The following FRMPD1 variants were observed in gnomAD, a reference collection of about 807,000 sequenced individuals.
The protein encoded by FRMPD1 is FERM and PDZ domain containing 1.
FRMPD1 carries 76 observed loss-of-function variants against 117.8 expected under a neutral mutation model. That is an observed-to-expected ratio of 0.65 (90% CI 0.54 to 0.78). The LOEUF (loss-of-function observed/expected upper bound fraction) is 0.78. FRMPD1 is among the 30% of genes least tolerant of loss of function. FRMPD1 has a pLI of 0.00. For synonymous variants in FRMPD1, 783 were observed against 770.4 expected, an observed-to-expected ratio of 1.02 and a Z score of -0.27; for missense variants, 1,786 against 1,964.5, an observed-to-expected ratio of 0.91 and a Z score of 1.72.
chr9:37,737,210 A>C lies in FRMPD1; in HGVS notation c.1516A>C (p.Lys506Gln). The C allele has an allele frequency of 6.2e-7, 1 of 1,614,108 alleles. No homozygotes were observed. The part of the protein sequence containing the change: ...VTSIFLWPGN[K>Q]QQAHRVSAEE... ...CTCCATTTTCCTCTGGCCTGGAAAC[A>C]AACAACAAGCGCACCGGGTATCTGC... The change falls in exon 14 of 16, where the codon AAA (lysine) becomes CAA (glutamine). Residue 506 changes from lysine to glutamine, a missense_variant. Lys to Gln is a moderately conservative substitution (Grantham distance 53). Transcript: ENST00000377765.
chr9:37,667,029 G>A (rs1821181130), intron 1 of FRMPD1, among the ~76,000 whole-genome samples: 1 of 148,340 alleles, frequency 6.7e-6, no homozygotes, highest in Admixed American at 6.8e-5. Flanking sequence ...GTGTTCTGGG[G>A]AGACATGGGA....
At chr9:37,691,908 A>G (rs189306678) in intron 1 of FRMPD1, among the ~76,000 whole-genome samples, 1 of 152,150 alleles carries the variant, frequency 6.6e-6, no homozygotes, top group Non-Finnish European at 1.5e-5. Context: ...CTCCATCTCA[A>G]AAAAGAAAAG....
At chr9:37,663,647 C>T (rs1243656368) in intron 1 of FRMPD1, among the ~76,000 whole-genome samples, 1 of 152,144 alleles carries the variant, frequency 6.6e-6, no homozygotes, top group African/African-American at 2.4e-5. Flanking sequence ...CTTTGCCTCT[C>T]CTGGTTTCTC....
chr9:37,720,995 G>C (rs1305102344), intron 6 of FRMPD1, among the ~76,000 whole-genome samples: 1 of 152,246 alleles, frequency 6.6e-6, no homozygotes, highest in East Asian at 1.9e-4. Flanking sequence ...CAGAATAAAG[G>C]CACGACAGGT....
chr9:37,632,334 T>C, the FRMPD1 span, among the ~76,000 whole-genome samples: 1 of 152,246 alleles, frequency 6.6e-6, no homozygotes. Flanking sequence ...GTGTTTTCTG[T>C]ATTAGAGCTC....
At chr9:37,677,125 C>T (rs2117889095) in intron 1 of FRMPD1, among the ~76,000 whole-genome samples, 1 of 152,292 alleles carries the variant, frequency 6.6e-6, no homozygotes, top group South Asian at 2.1e-4. Context: ...GGCCCGCAAA[C>T]CCATGGCCAG....
rs769586771 is a variant in FRMPD1, at chr9:37,745,636, G to A, written c.3604G>A (p.Val1202Ile). ...GCQAQEQKLFVELDLDPDFFL... is the reference protein window; with the variant it reads ...GCQAQEQKLFIELDLDPDFFL... ...CCAGGCTCAAGAACAAAAACTATTCGTAGAGTTGGATTTAGACCCTGATTT... is the reference window on the plus strand; with the variant it reads ...CCAGGCTCAAGAACAAAAACTATTCATAGAGTTGGATTTAGACCCTGATTT... Residue 1202 changes from valine (V) to isoleucine (I), a missense_variant, in exon 16 of 16, where the codon GTA becomes ATA. By Grantham distance (29) the Val-to-Ile change is conservative. Transcript: ENST00000377765. 60 of 1,614,040 alleles carry A rather than the reference G, an allele frequency of 3.7e-5. No homozygotes were observed. Among genetic ancestry groups the A allele is most frequent in the Admixed American group, 1.0e-4 (6 of 59,992 alleles).
rs574768324 is a variant in FRMPD1 at position 37,746,786 on chromosome 9, AG to A, written c.*20del. 4,571 of 1,582,236 alleles carry A rather than the reference AG, an allele frequency of 2.9e-3. 16 individuals are homozygous for A. Among genetic ancestry groups the A allele is most frequent in the Non-Finnish European group, 3.7e-3 (4,239 of 1,151,888 alleles). Reference sequence around the variant, plus strand: ...GCCCTGTAAACAGGTCAACGGCCCAAGGGCCTCCTGCCCTGTCCTGCCTTGG... The same window carrying A: ...GCCCTGTAAACAGGTCAACGGCCCAAGGCCTCCTGCCCTGTCCTGCCTTGG... On this transcript the variant is annotated 3_prime_UTR_variant, in exon 16 of 16. Transcript: ENST00000377765.
chr9:37,730,342 AC>A (rs769736905), intron 8 of FRMPD1, among the ~76,000 whole-genome samples: 1 of 152,226 alleles, frequency 6.6e-6, no homozygotes, highest in African/African-American at 2.4e-5. Context: ...AATATGTTGT[AC>A]CAACTTTTTA....
At chr9:37,615,676 A>G in the FRMPD1 span, among the ~76,000 whole-genome samples, 11 of 152,224 alleles carry the variant, frequency 7.2e-5, no homozygotes, top group South Asian at 2.3e-3. Flanking sequence ...AGATTTTAGG[A>G]CACCCCAAGC....
At chr9:37,744,273 A>G in intron 15 of FRMPD1, 116 bp from the exon 16 acceptor site, 1 of 693,170 alleles carries the variant, frequency 1.4e-6, no homozygotes, top group Non-Finnish European at 2.5e-6. Context: ...GAACTTGCTC[A>G]AGGTTACACA....
chr9:37,629,946 T>C, the FRMPD1 span, among the ~76,000 whole-genome samples: 1 of 152,174 alleles, frequency 6.6e-6, no homozygotes, highest in Non-Finnish European at 1.5e-5. Context: ...CAGGGTGTCA[T>C]CATGGTTGGG....
chr9:37,616,120 T>C, the FRMPD1 span, among the ~76,000 whole-genome samples: 63 of 116,974 alleles, frequency 5.4e-4, no homozygotes, highest in African/African-American at 2.3e-3. Flanking sequence ...CCCAGCCCTT[T>C]TTTTTTTTTT....
At chr9:37,742,241 CCAGA>C (rs1824458248) in intron 15 of FRMPD1, among the ~76,000 whole-genome samples, 5 of 152,204 alleles carry the variant, frequency 3.3e-5, no homozygotes, top group Admixed American at 3.3e-4. Context: ...CCCAAAGTAC[CCAGA>C]CAACCACTTT....
chr9:37,706,356 A>G (rs1435288510), intron 2 of FRMPD1, among the ~76,000 whole-genome samples: 1 of 152,196 alleles, frequency 6.6e-6, no homozygotes, highest in Non-Finnish European at 1.5e-5. Context: ...TGATTTTCAG[A>G]TAAGTGAGGG....
intron 12 of FRMPD1, among the ~76,000 whole-genome samples, chr9:37,734,113 C>A (rs986266481): frequency 3.3e-5 from 5 of 152,066 alleles, no homozygotes; most frequent in African/African-American, 9.7e-5. Flanking sequence ...CAGGTTCAGG[C>A]CTATTGCTGT....
the FRMPD1 span, among the ~76,000 whole-genome samples, chr9:37,610,455 C>T: frequency 2.7e-5 from 4 of 145,934 alleles, no homozygotes; most frequent in Non-Finnish European, 4.5e-5. Flanking sequence ...TTTTTAGAGA[C>T]GGAGTCCCAC....
chr9:37,718,324 G>T (rs894286341), intron 5 of FRMPD1, among the ~76,000 whole-genome samples: 2 of 152,190 alleles, frequency 1.3e-5, no homozygotes, highest in Non-Finnish European at 2.9e-5. Flanking sequence ...TGGTCTAAAG[G>T]ACTGTCCACA....
chr9:37,646,253 C>T (rs1824138742), upstream of FRMPD1, among the ~76,000 whole-genome samples: 3 of 152,152 alleles, frequency 2.0e-5, no homozygotes, highest in South Asian at 2.1e-4. Context: ...TTAACCAAAC[C>T]GTTTCATCCC....
Sources: allele counts gnomAD v4.1 joint callset (sites outside exome capture counted in the v4.1 genomes callset), GRCh38; gene constraint gnomAD v4.1.1; transcripts MANE v1.5; gene names NCBI Gene and HGNC (gene_info 2026-07-23, HGNC 2026-07-21).